The following FBN2 variants were observed in gnomAD, a reference collection of about 807,000 sequenced individuals.
FBN2 encodes fibrillin-2.
FBN2 carries 105 observed loss-of-function variants against 355.6 expected under a neutral mutation model. The observed-to-expected ratio is 0.30, with a 90% CI of 0.25 to 0.35. FBN2 has a LOEUF of 0.35. Ranked by LOEUF, FBN2 falls within the 10% of genes least tolerant of loss-of-function variation. The pLI is 1.00. For synonymous variants in FBN2, 1,350 were observed against 1,301.2 expected (o/e 1.04, Z -0.81); for missense variants, 3,280 against 3,758.7 (o/e 0.87, Z 3.33).
chr5:128,388,255 T>C lies in FBN2; in HGVS notation c.1603+3763A>G, dbSNP rs55702170. Among the ~76,000 whole-genome samples, 310 of 152,332 alleles carry C rather than the reference T, an allele frequency of 2.0e-3. 1 individual carries two copies. Among genetic ancestry groups the C allele is most frequent in the African/African-American group, 7.2e-3 (299 of 41,582 alleles). ...TGTCACTGCATGTGAGATGGGTCTC[T>C]TGAAGACAGCATATAGTTGAATCTT... On this transcript the variant is annotated intron_variant, in intron 11 of 64. Transcript: ENST00000262464.
At chr5:128,297,932 C>T (rs1379815881) in intron 48 of FBN2, among the ~76,000 whole-genome samples, 4 of 151,408 alleles carry the variant, frequency 2.6e-5, no homozygotes, top group Non-Finnish European at 5.9e-5. Flanking sequence ...TTCCTAGTCT[C>T]GATGGTCTTT....
intron 34 of FBN2, among the ~76,000 whole-genome samples, chr5:128,324,711 G>A (rs1475008597): frequency 2.7e-5 from 4 of 150,866 alleles, no homozygotes; most frequent in Admixed American, 1.3e-4. Context: ...TCTGCCTCCC[G>A]GGTTCACGCC....
At chr5:128,287,203 T>C in intron 54 of FBN2, 105 bp downstream of exon 54, 1 of 1,299,964 alleles carries the variant, frequency 7.7e-7, no homozygotes, top group Non-Finnish European at 1.1e-6. Context: ...ATATATATAT[T>C]TCTGTAAAGC....
chr5:128,412,045 T>C (rs1430862435), intron 7 of FBN2, among the ~76,000 whole-genome samples: 2 of 152,204 alleles, frequency 1.3e-5, no homozygotes, highest in African/African-American at 4.8e-5. Context: ...ACAATGGGAA[T>C]TGGTTTCATC....
chr5:128,488,504 T>C (rs1309161701), intron 5 of FBN2, among the ~76,000 whole-genome samples: 1 of 152,182 alleles, frequency 6.6e-6, no homozygotes, highest in Non-Finnish European at 1.5e-5. Flanking sequence ...TTTTTAATTT[T>C]TTTATTATTA....
rs893176536 is a variant in FBN2, at chr5:128,287,490, A to T, written c.6758-60T>A. The T allele has an allele frequency of 7.5e-6, 12 of 1,589,628 alleles. No homozygotes were observed. The African/African-American group carries it at 1.6e-4, about 21-fold the overall frequency. On this transcript the variant is annotated intron_variant, in intron 53 of 64. Coordinates refer to ENST00000262464, the MANE Select transcript of FBN2 (RefSeq NM_001999.4). ...TAGAGTTCTAATTATTTGTGTAACT[A>T]AATGTTGATGTCATTTACTTGGCGG...
intron 25 of FBN2, among the ~76,000 whole-genome samples, chr5:128,340,788 T>C (rs1021685246): frequency 2.0e-5 from 3 of 152,054 alleles, no homozygotes; most frequent in Admixed American, 2.0e-4. Context: ...GCCTGTCTCA[T>C]AGAAAGTGCT....
chr5:128,381,328 TTTTC>T (rs1347767681), intron 11 of FBN2, among the ~76,000 whole-genome samples: 2 of 152,074 alleles, frequency 1.3e-5, no homozygotes, highest in East Asian at 3.9e-4. Flanking sequence ...CCCAATTCTA[TTTTC>T]TTTGTCACTG....
intron 62 of FBN2, among the ~76,000 whole-genome samples, chr5:128,266,454 G>C (rs953634338): frequency 3.3e-5 from 5 of 152,122 alleles, no homozygotes; most frequent in Admixed American, 3.3e-4. Context: ...GAGCTCCTTT[G>C]GGGGTGACTG....
At chr5:128,273,081 G>A (rs928842254) in intron 61 of FBN2, among the ~76,000 whole-genome samples, 1 of 152,040 alleles carries the variant, frequency 6.6e-6, no homozygotes, top group African/African-American at 2.4e-5. Flanking sequence ...TGTTAAAAGG[G>A]TGATTAAAAT....
At chr5:128,513,669 TC>T (rs1363252508) in intron 5 of FBN2, among the ~76,000 whole-genome samples, 1 of 152,220 alleles carries the variant, frequency 6.6e-6, no homozygotes, top group East Asian at 1.9e-4. Context: ...AAGCCTGGCC[TC>T]TCCCAGGTAG....
intron 7 of FBN2, among the ~76,000 whole-genome samples, chr5:128,417,768 T>G (rs1753241699): frequency 6.6e-6 from 1 of 152,160 alleles, no homozygotes; most frequent in South Asian, 2.1e-4. Flanking sequence ...TTGTTGGGGA[T>G]TTTTACGTCT....
At position 128,432,728 on chromosome 5, in the gene FBN2, A is replaced by G. The variant is rs377029951; in HGVS notation, c.952+13753T>C. On this transcript the variant is annotated intron_variant, in intron 7 of 64. Coordinates refer to ENST00000262464, the MANE Select transcript of FBN2 (RefSeq NM_001999.4). ...GTCATAAGTGATAAAAAAAAGTTTT[A>G]ATAAAACTAGTATTTTATTTTGACC... Among the ~76,000 whole-genome samples the G allele has an allele frequency of 2.6e-5, 4 of 152,186 alleles. No homozygotes were observed. In the South Asian group the frequency reaches 8.3e-4, roughly 31 times the overall value.
At chr5:128,369,118 G>T in intron 16 of FBN2, 64 bp downstream of exon 16, 1 of 1,518,100 alleles carries the variant, frequency 6.6e-7, no homozygotes, top group Non-Finnish European at 9.1e-7. Flanking sequence ...GTTCTCTTTG[G>T]CCAAACATCT....
At chr5:128,320,825 T>TA (rs1267005265) in intron 34 of FBN2, among the ~76,000 whole-genome samples, 3 of 152,190 alleles carry the variant, frequency 2.0e-5, no homozygotes, top group African/African-American at 7.2e-5. Flanking sequence ...ATGTTAAGAA[T>TA]AAAAAACGCT....
At chr5:128,375,605 C>T (rs1752059670) in intron 14 of FBN2, among the ~76,000 whole-genome samples, 1 of 152,036 alleles carries the variant, frequency 6.6e-6, no homozygotes, top group Non-Finnish European at 1.5e-5. Context: ...CTCTACTGTC[C>T]CTAGAATTTC....
At chr5:128,282,594 T>G (rs939064026) in intron 55 of FBN2, among the ~76,000 whole-genome samples, 1 of 152,184 alleles carries the variant, frequency 6.6e-6, no homozygotes. Context: ...TAGATTAATT[T>G]TGCTTTATTG....
intron 18 of FBN2, among the ~76,000 whole-genome samples, chr5:128,362,834 A>G (rs148859998): frequency 1.3e-5 from 2 of 152,268 alleles, no homozygotes; most frequent in Admixed American, 6.5e-5. Flanking sequence ...TAAACCCTGT[A>G]GTTTAGAGTG....
intron 7 of FBN2, among the ~76,000 whole-genome samples, chr5:128,409,123 T>C (rs537962952): frequency 6.6e-6 from 1 of 152,330 alleles, no homozygotes; most frequent in Non-Finnish European, 1.5e-5. Flanking sequence ...GGAATTATCC[T>C]ACTAGAGCCT....
Sources: allele counts gnomAD v4.1 joint callset (sites outside exome capture counted in the v4.1 genomes callset), GRCh38; gene constraint gnomAD v4.1.1; transcripts MANE v1.5; gene names NCBI Gene and HGNC (gene_info 2026-07-23, HGNC 2026-07-21).